The following PTPRF variants were observed in gnomAD, a reference collection of about 807,000 sequenced individuals.
PTPRF encodes protein tyrosine phosphatase receptor type F, also known as receptor-type tyrosine-protein phosphatase F.
PTPRF carries 59 observed loss-of-function variants against 201.8 expected under a neutral mutation model. The observed-to-expected ratio is 0.29, with a 90% CI of 0.24 to 0.36. PTPRF has a LOEUF of 0.36. Ranked by LOEUF, PTPRF falls within the 10% of genes least tolerant of loss-of-function variation. The pLI, the probability that PTPRF is intolerant of heterozygous loss-of-function variation, is 1.00. For missense variants in PTPRF, 2,132 were observed against 2,690.5 expected (o/e 0.79, Z 4.59); for synonymous variants, 1,088 against 1,089.7 (o/e 1.00, Z 0.03).
chr1:43,522,292 G>A (rs912652162), upstream of PTPRF, among the ~76,000 whole-genome samples: 5 of 152,186 alleles, frequency 3.3e-5, no homozygotes, highest in Admixed American at 2.0e-4. Flanking sequence ...GAGGAGCGGC[G>A]TCAGAAGGGT....
intron 5 of PTPRF, among the ~76,000 whole-genome samples, chr1:43,567,882 C>T (rs1433916373): frequency 6.6e-6 from 1 of 152,196 alleles, no homozygotes; most frequent in Non-Finnish European, 1.5e-5. Context: ...GTCTCCCCCA[C>T]CATGAGCCCA....
intron 21 of PTPRF, 76 bp downstream of exon 21, chr1:43,607,044 G>T: frequency 6.4e-7 from 1 of 1,556,884 alleles, no homozygotes; most frequent in Non-Finnish European, 8.7e-7. Context: ...TGTGGTGCCT[G>T]TGGAGAGCGT....
At chr1:43,532,831 T>C (rs1398832306) in intron 1 of PTPRF, among the ~76,000 whole-genome samples, 1 of 152,028 alleles carries the variant, frequency 6.6e-6, no homozygotes, top group East Asian at 1.9e-4. Flanking sequence ...AGGCCACACT[T>C]TCTCGTACCC....
In PTPRF at chr1:43,619,303, C is replaced by T. The variant is rs1347218439; in HGVS notation, c.4662C>T (p.Arg1554=). 5.0e-6 allele frequency: 8 copies of T among 1,613,394 alleles called. No homozygotes were observed. The highest frequency in any genetic ancestry group is 6.8e-6 in the Non-Finnish European group (8 of 1,179,996). ...TGTCCTGCAGCGCGGGCGTGGGCCG[C>T]ACCGGCTGCTTCATCGTGATTGATG... The part of the protein sequence containing the change: ...MVVHCSAGVG[R]TGCFIVIDAM... Residue 1554 remains arginine, a synonymous_variant, in exon 28 of 34, where the codon CGC becomes CGT. Transcript: ENST00000359947.
At chr1:43,605,709 C>G in intron 19 of PTPRF, 87 bp downstream of exon 19, 1 of 1,234,224 alleles carries the variant, frequency 8.1e-7, no homozygotes, top group Non-Finnish European at 1.2e-6. Flanking sequence ...CCCAGTGACT[C>G]TCAGATTCAC....
intron 7 of PTPRF, among the ~76,000 whole-genome samples, chr1:43,584,748 G>A (rs1236726380): frequency 6.6e-6 from 1 of 152,122 alleles, no homozygotes; most frequent in East Asian, 1.9e-4. Context: ...ACTGCTCTGC[G>A]GCAGCCACAA....
At chr1:43,615,388 G>T (rs1186467082) in intron 23 of PTPRF, among the ~76,000 whole-genome samples, 1 of 151,894 alleles carries the variant, frequency 6.6e-6, no homozygotes, top group African/African-American at 2.4e-5. Context: ...CCCCATCTGG[G>T]CTCGTGGGGC....
At chr1:43,535,090 C>G (rs977905821) in intron 1 of PTPRF, among the ~76,000 whole-genome samples, 18 of 152,048 alleles carry the variant, frequency 1.2e-4, no homozygotes, top group Non-Finnish European at 1.6e-4. Flanking sequence ...CATGAGGTTG[C>G]CTTTAATGAG....
chr1:43,583,977 G>T (rs921624198), intron 7 of PTPRF, among the ~76,000 whole-genome samples: 1 of 152,196 alleles, frequency 6.6e-6, no homozygotes, highest in Admixed American at 6.5e-5. Context: ...CTGCAACTTA[G>T]CAGGATCCAT....
chr1:43,613,217 G>A (rs188411286), intron 22 of PTPRF: 23 of 318,356 alleles, frequency 7.2e-5, no homozygotes, highest in Admixed American at 3.9e-4. Flanking sequence ...GTCTCCCATG[G>A]TGACTGCCAC....
In PTPRF at chr1:43,537,286, G is replaced by A. The variant is rs2819330; in HGVS notation, c.-125-912G>A. Among the ~76,000 whole-genome samples the A allele has an allele frequency of 0.27, 41,282 of 152,164 alleles. 6,186 individuals carry two copies. The highest frequency in any genetic ancestry group is 0.42 in the South Asian group (2,047 of 4,820). On this transcript the variant is annotated intron_variant, in intron 1 of 33. Coordinates refer to ENST00000359947, the MANE Select transcript of PTPRF (RefSeq NM_002840.5). The surrounding 1 kb of genome is among the most constrained non-coding windows in gnomAD (Gnocchi z 4.8). Reference sequence around the variant, plus strand: ...GCTCTGTCGCTGCATGTGTGCCAGCGGAGGAGGCATCCAGGGGCACGCCTT... The same window carrying A: ...GCTCTGTCGCTGCATGTGTGCCAGCAGAGGAGGCATCCAGGGGCACGCCTT...
chr1:43,538,816 T>C (rs1376327841), intron 2 of PTPRF, among the ~76,000 whole-genome samples: 1 of 152,202 alleles, frequency 6.6e-6, no homozygotes, highest in African/African-American at 2.4e-5. Flanking sequence ...TGTCCCCTTG[T>C]TCTCCTCTCT....
chr1:43,556,556 G>T (rs1161030799), intron 5 of PTPRF, among the ~76,000 whole-genome samples: 1 of 152,172 alleles, frequency 6.6e-6, no homozygotes, highest in Non-Finnish European at 1.5e-5. Context: ...TCCAGTGTCG[G>T]TTACTGTTTT....
In PTPRF at chr1:43,620,434, GC is replaced by G; in HGVS notation, c.5239-17del. ...TATTCCTTCTCACCTGATTATGGGG[GC>G]CCGACCCTCTGTCCACAGGAGAAAT... On this transcript the variant is annotated intron_variant, in intron 30 of 33. Coordinates refer to ENST00000359947, the MANE Select transcript of PTPRF (RefSeq NM_002840.5). 1.2e-6 allele frequency: 2 copies of G among 1,602,526 alleles called. No homozygotes were observed. Among genetic ancestry groups the G allele is most frequent in the South Asian group, 2.2e-5 (2 of 90,064 alleles).
chr1:43,605,350 TCCTGCCTCACAAGCCGCTG>T lies in PTPRF; in HGVS notation c.3305_3323del (p.His1102LeufsTer4), dbSNP rs749604918. The T allele has an allele frequency of 6.2e-7, 1 of 1,613,834 alleles. No homozygotes were observed. The highest frequency in any genetic ancestry group is 8.5e-7 in the Non-Finnish European group (1 of 1,179,988). On this transcript the variant is annotated frameshift_variant, in exon 18 of 34. Coordinates refer to ENST00000359947, the MANE Select transcript of PTPRF (RefSeq NM_002840.5). LOFTEE classifies it high-confidence loss of function. ...GTGTCCATCCGCACAGCCCCCGACC[TCCTGCCTCACAAGCCGCTG>T]CCTGCCTCTGCCTACATAGAGGACG... is the stretch of plus-strand genomic sequence containing the variant.
At position 43,575,942 on chromosome 1, in the gene PTPRF, C is replaced by T. The variant is rs547519792; in HGVS notation, c.569-2868C>T. ...ACCAATCAGAGGTAAGAATGCTGTC[C>T]GTGCCTCTCGCCACACCACGCCTTG... On this transcript the variant is annotated intron_variant, in intron 6 of 33. Coordinates refer to ENST00000359947, the MANE Select transcript of PTPRF (RefSeq NM_002840.5). 9.0e-5 allele frequency: 123 copies of T among 1,364,622 alleles called. 1 individual carries two copies. In the South Asian group the frequency reaches 1.2e-3, roughly 14 times the overall value. 84.5% of individuals were successfully genotyped at this position (1,364,622 alleles called of 1,614,324 possible).
At position 43,553,832 on chromosome 1, in the gene PTPRF, G is replaced by T. The variant is rs776215544; in HGVS notation, c.270G>T (p.Val90=). ...AGTTTGATGATGGGGCAGGGTCAGT[G>T]CTTCGGATCCAGCCATTGCGGGTGC... ...VIEFDDGAGS[V]LRIQPLRVQR... Residue 90 remains valine, a synonymous_variant, in exon 5 of 34, where the codon GTG becomes GTT. Coordinates refer to ENST00000359947, the MANE Select transcript of PTPRF (RefSeq NM_002840.5). This position sits in a 1 kb window ranked among gnomAD's most constrained non-coding sequence, Gnocchi z 4.1. The T allele has an allele frequency of 3.1e-6, 5 of 1,614,222 alleles. No individual in the cohort carries two copies. In the South Asian group the frequency reaches 4.4e-5, roughly 14 times the overall value.
In PTPRF at chr1:43,619,277, G is replaced by C; in HGVS notation, c.4647-11G>C. The C allele has an allele frequency of 6.2e-7, 1 of 1,612,354 alleles. No homozygotes were observed. The highest frequency in any genetic ancestry group is 8.5e-7 in the Non-Finnish European group (1 of 1,179,470). ...GGCGCCTGTGCCTCAAGCTGAGCCC[G>C]TGTCCTGCAGCGCGGGCGTGGGCCG... On this transcript the variant is annotated splice_polypyrimidine_tract_variant and intron_variant, in intron 27 of 33. Transcript: ENST00000359947.
At chr1:43,561,918 C>T (rs973765521) in intron 5 of PTPRF, among the ~76,000 whole-genome samples, 1 of 152,224 alleles carries the variant, frequency 6.6e-6, no homozygotes, top group Non-Finnish European at 1.5e-5. Context: ...GCCTGCCCCC[C>T]TGCCCCTATA....
Sources: gnomAD v4.1 joint callset for allele counts (sites outside exome capture counted in the v4.1 genomes callset) on GRCh38, gnomAD v4.1.1 for gene constraint, Gnocchi (gnomAD v3.1) non-coding constraint, MANE v1.5 for transcripts, NCBI Gene and HGNC (gene_info 2026-07-23, HGNC 2026-07-21) for gene names.